The following PHLDB3 variants were observed in gnomAD, a reference collection of about 807,000 sequenced individuals.
PHLDB3 encodes the protein pleckstrin homology like domain family B member 3.
A neutral mutation model predicts 85.7 loss-of-function variants in PHLDB3; 86 were observed. The observed-to-expected ratio is 1.00, with a 90% CI of 0.84 to 1.20. The LOEUF (loss-of-function observed/expected upper bound fraction) is 1.20, where lower values mean the gene tolerates loss of function less well. Among genes scored for constraint, PHLDB3 ranks in the 50% most tolerant of loss-of-function variants. The pLI is 0.00. For missense variants in PHLDB3, 995 were observed against 873.0 expected, an observed-to-expected ratio of 1.14 and a Z score of -1.76; for synonymous variants, 376 against 349.8, an observed-to-expected ratio of 1.07 and a Z score of -0.83.
chr19:43,475,280 T>C lies in PHLDB3; in HGVS notation c.*130A>G, dbSNP rs1485924712. 1.5e-6 allele frequency: 2 copies of C among 1,304,042 alleles called. No homozygotes were observed. Among genetic ancestry groups the C allele is most frequent in the Non-Finnish European group, 2.1e-6 (2 of 966,398 alleles). The allele number at this position is 1,304,042 out of a possible 1,614,324, so 80.8% of individuals were successfully genotyped here. A position where few individuals can be genotyped will look rare whatever the true frequency, so the allele number is the denominator to read the frequency against. ...CTCAGGCCAGCTGAACTGCCGCGCC[T>C]GCGGAATTCCCGGGAGAGTTCCAAA... On this transcript the variant is annotated 3_prime_UTR_variant, in exon 16 of 16. Coordinates refer to ENST00000292140, the MANE Select transcript of PHLDB3 (RefSeq NM_198850.4).
At chr19:43,491,888 G>T (rs935952598) in intron 9 of PHLDB3, among the ~76,000 whole-genome samples, 6 of 149,200 alleles carry the variant, frequency 4.0e-5, no homozygotes, top group African/African-American at 7.4e-5. Context: ...CTTATGACCT[G>T]CCTGCCTCTG....
chr19:43,483,262 T>A (rs1335800629), intron 13 of PHLDB3, among the ~76,000 whole-genome samples: 1 of 152,040 alleles, frequency 6.6e-6, no homozygotes, highest in Non-Finnish European at 1.5e-5. Flanking sequence ...ACCACTTTCT[T>A]AATACTTTAT....
intron 12 of PHLDB3, 74 bp downstream of exon 12, chr19:43,486,535 G>C: frequency 2.0e-6 from 3 of 1,508,672 alleles, no homozygotes; most frequent in Non-Finnish European, 2.7e-6. Context: ...AGGTGGAGTT[G>C]GGGGTCTCCC....
intron 13 of PHLDB3, 95 bp downstream of exon 13, chr19:43,486,171 G>T: frequency 2.8e-6 from 4 of 1,428,542 alleles, no homozygotes; most frequent in Non-Finnish European, 3.7e-6. Flanking sequence ...CTGTTCAATT[G>T]GAGGAGAGGA....
chr19:43,479,201 A>C (rs1970986383), intron 14 of PHLDB3, among the ~76,000 whole-genome samples, 176 bp downstream of exon 14: 1 of 152,014 alleles, frequency 6.6e-6, no homozygotes, highest in African/African-American at 2.4e-5. Context: ...TGGAGGAGAG[A>C]GAGAGCTGGG....
chr19:43,475,158 T>C lies in PHLDB3; in HGVS notation c.*252A>G. On this transcript the variant is annotated 3_prime_UTR_variant, in exon 16 of 16. Coordinates refer to ENST00000292140, the MANE Select transcript of PHLDB3 (RefSeq NM_198850.4). ...ATCACAGGAGCACCAATAAATAGTTTCTTCCCGCCCCTGCAATCTTCCTCC... is the reference window on the plus strand; with the variant it reads ...ATCACAGGAGCACCAATAAATAGTTCCTTCCCGCCCCTGCAATCTTCCTCC... The C allele has an allele frequency of 2.1e-6, 1 of 466,050 alleles. No individual in the cohort carries two copies. The highest frequency in any genetic ancestry group is 2.8e-5 in the South Asian group (1 of 36,196). The allele number at this position is 466,050 out of a possible 1,614,324, so 28.9% of individuals were successfully genotyped here. A position where few individuals can be genotyped will look rare whatever the true frequency, so the allele number is the denominator to read the frequency against.
At chr19:43,487,375 C>G (rs558234711) in intron 9 of PHLDB3, among the ~76,000 whole-genome samples, 47 of 151,924 alleles carry the variant, frequency 3.1e-4, no homozygotes, top group Non-Finnish European at 6.0e-4. Flanking sequence ...GGGAGCTCGA[C>G]ACCAGCCTGG....
intron 13 of PHLDB3, among the ~76,000 whole-genome samples, chr19:43,481,946 G>T (rs1235597507): frequency 6.6e-6 from 1 of 151,722 alleles, no homozygotes; most frequent in African/African-American, 2.4e-5. Flanking sequence ...GGAGGGAAAG[G>T]CCAGGTTTAA....
intron 11 of PHLDB3, 21 bp from the exon 12 acceptor site, chr19:43,486,717 C>G: frequency 5.6e-6 from 9 of 1,613,590 alleles, no homozygotes; most frequent in Non-Finnish European, 7.6e-6. Context: ...GGAACACAGA[C>G]GGGGTGGGTT....
rs1970895405 is a variant in PHLDB3, at chr19:43,475,188, C to G, written c.*222G>C. 2 of 549,802 alleles carry G rather than the reference C, an allele frequency of 3.6e-6. No homozygotes were observed. Among genetic ancestry groups the G allele is most frequent in the Non-Finnish European group, 6.4e-6 (2 of 314,630 alleles). The allele number at this position is 549,802 out of a possible 1,614,324, so 34.1% of individuals were successfully genotyped here. ...CCGCCCCTGCAATCTTCCTCCTGCC[C>G]CGGGCAGGGCCTTAGGGGCCGGCGA... On this transcript the variant is annotated 3_prime_UTR_variant, in exon 16 of 16. Transcript: ENST00000292140.
intron 7 of PHLDB3, 77 bp downstream of exon 7, chr19:43,495,418 C>T: frequency 1.3e-6 from 2 of 1,598,652 alleles, no homozygotes; most frequent in Non-Finnish European, 1.7e-6. Flanking sequence ...CAGGAGACAT[C>T]TGGGGTGCAG....
intron 15 of PHLDB3, among the ~76,000 whole-genome samples, chr19:43,476,084 T>C (rs934335740): frequency 6.6e-6 from 1 of 152,198 alleles, no homozygotes; most frequent in Non-Finnish European, 1.5e-5. Flanking sequence ...CGTGAGCCAC[T>C]GTGCCAGGCC....
At chr19:43,489,385 T>A (rs1035789011) in intron 9 of PHLDB3, among the ~76,000 whole-genome samples, 3 of 151,520 alleles carry the variant, frequency 2.0e-5, no homozygotes, top group African/African-American at 7.3e-5. Flanking sequence ...TTTTTTTTTT[T>A]TTTAAGCGAG....
chr19:43,480,883 G>A (rs1259464108), intron 13 of PHLDB3, among the ~76,000 whole-genome samples: 1 of 152,096 alleles, frequency 6.6e-6, no homozygotes, highest in Non-Finnish European at 1.5e-5. Flanking sequence ...GGCAATACAA[G>A]TGTCCACTAT....
At chr19:43,485,005 T>C (rs1210239954) in intron 13 of PHLDB3, among the ~76,000 whole-genome samples, 1 of 151,460 alleles carries the variant, frequency 6.6e-6, no homozygotes, top group Non-Finnish European at 1.5e-5. Flanking sequence ...AGAAGACTTA[T>C]GAGAAAAAAA....
At chr19:43,501,997 G>A in intron 3 of PHLDB3, 104 bp downstream of exon 3, 2 of 1,488,812 alleles carry the variant, frequency 1.3e-6, no homozygotes, top group Non-Finnish European at 1.8e-6. Flanking sequence ...GAGGAAGAGC[G>A]GAGGGCCTAA....
At chr19:43,484,539 C>T (rs985182752) in intron 13 of PHLDB3, among the ~76,000 whole-genome samples, 1 of 151,866 alleles carries the variant, frequency 6.6e-6, no homozygotes, top group African/African-American at 2.4e-5. Context: ...AAAACCCCAT[C>T]GCTACTAAAA....
rs747799478 is a variant in PHLDB3, at chr19:43,495,268, C to T, written c.1023G>A (p.Pro341=). 7.3e-5 allele frequency: 118 copies of T among 1,613,710 alleles called. No individual in the cohort carries two copies. In the East Asian group the frequency reaches 2.1e-3, roughly 28 times the overall value. Reference sequence around the variant, plus strand: ...AAAATCCCCATACCTTAGTGAGGGCCGGGTTGGGCTCAGAGAAGTCCCCGC... The same window carrying T: ...AAAATCCCCATACCTTAGTGAGGGCTGGGTTGGGCTCAGAGAAGTCCCCGC... The part of the protein sequence containing the change: ...TPGGDFSEPN[P]ALTKLLFTQK... The change falls in exon 8 of 16, where the codon CCG becomes CCA. Residue 341 remains proline (P), a synonymous_variant. Coordinates refer to ENST00000292140, the MANE Select transcript of PHLDB3 (RefSeq NM_198850.4).
intron 4 of PHLDB3, among the ~76,000 whole-genome samples, chr19:43,500,099 C>T (rs1410640245): frequency 1.3e-5 from 2 of 152,060 alleles, no homozygotes; most frequent in Non-Finnish European, 2.9e-5. Flanking sequence ...ATTACCCGGG[C>T]ATGGTGGTGC....
Sources: allele counts gnomAD v4.1 joint callset (sites outside exome capture counted in the v4.1 genomes callset), GRCh38; gene constraint gnomAD v4.1.1; transcripts MANE v1.5; gene names NCBI Gene and HGNC (gene_info 2026-07-23, HGNC 2026-07-21).